ARHGAP32: variants seen among roughly 807,000 people sequenced by gnomAD.
The protein encoded by ARHGAP32 is Rho GTPase activating protein 32.
In ARHGAP32, 51 loss-of-function variants were observed where a neutral mutation model predicts 186.5. That is an observed-to-expected ratio of 0.27 (90% CI 0.22 to 0.35). The LOEUF (loss-of-function observed/expected upper bound fraction) is 0.35. ARHGAP32 is among the 10% of genes least tolerant of loss of function. The pLI, the probability that ARHGAP32 is intolerant of heterozygous loss-of-function variation, is 1.00. For synonymous variants in ARHGAP32, 950 were observed against 964.3 expected (o/e 0.99, Z 0.27); for missense variants, 2,186 against 2,623.5 (o/e 0.83, Z 3.64).
At chr11:129,245,455 G>T (rs2135676015) in intron 1 of ARHGAP32, among the ~76,000 whole-genome samples, 2 of 149,362 alleles carry the variant, frequency 1.3e-5, no homozygotes, top group South Asian at 2.1e-4. Context: ...GTTGTGGGGT[G>T]GGGGGACGGG....
intron 11 of ARHGAP32, among the ~76,000 whole-genome samples, chr11:129,029,922 G>A (rs1939041723): frequency 6.7e-6 from 1 of 150,030 alleles, no homozygotes; most frequent in Non-Finnish European, 1.5e-5. Context: ...CAATGGAAAT[G>A]TAAGTATTCA....
intron 6 of ARHGAP32, among the ~76,000 whole-genome samples, chr11:129,085,396 A>G (rs1218615993): frequency 6.6e-6 from 1 of 152,202 alleles, no homozygotes; most frequent in Non-Finnish European, 1.5e-5. Flanking sequence ...AGACAGCTAT[A>G]TATCTAACAA....
rs1182161758 is a variant in ARHGAP32 at position 129,134,045 on chromosome 11, T to C, written c.226-9151A>G. ...TTCTACTTGAAGTATAAAATAATAATTTTAAGTATAATATGAAAAGTTTAG... is the reference window on the plus strand; with the variant it reads ...TTCTACTTGAAGTATAAAATAATAACTTTAAGTATAATATGAAAAGTTTAG... On this transcript the variant is annotated intron_variant, in intron 2 of 22. Coordinates refer to ENST00000682385, the MANE Select transcript of ARHGAP32 (RefSeq NM_001378024.1). 2.6e-5 allele frequency among the ~76,000 whole-genome samples: 4 copies of C among 152,074 alleles called. No homozygotes were observed. The South Asian group carries it at 8.3e-4, about 32-fold the overall frequency.
In ARHGAP32 at chr11:129,019,008, T is replaced by C. The variant is rs145205093; in HGVS notation, c.1046-20540A>G. Reference sequence around the variant, plus strand: ...ATACACATGAATAACTCTGGCGATGTGTTTTTCCAGTTTTACAAAAAATAT... The same window carrying C: ...ATACACATGAATAACTCTGGCGATGCGTTTTTCCAGTTTTACAAAAAATAT... On this transcript the variant is annotated intron_variant, in intron 11 of 22. Transcript: ENST00000682385. 2.4e-3 allele frequency among the ~76,000 whole-genome samples: 360 copies of C among 152,350 alleles called. 1 individual carries two copies. Among genetic ancestry groups the C allele is most frequent in the African/African-American group, 8.4e-3 (351 of 41,578 alleles).
At chr11:129,017,005 A>C (rs1565377604) in intron 11 of ARHGAP32, among the ~76,000 whole-genome samples, 2 of 152,202 alleles carry the variant, frequency 1.3e-5, no homozygotes, top group Non-Finnish European at 2.9e-5. Flanking sequence ...TACATTTTCT[A>C]ATCATTTATT....
At chr11:129,272,104 A>G (rs1168918850) in intron 1 of ARHGAP32, among the ~76,000 whole-genome samples, 2 of 152,188 alleles carry the variant, frequency 1.3e-5, no homozygotes, top group Non-Finnish European at 2.9e-5. Flanking sequence ...ACAACTCTTG[A>G]AATTTCTGCT....
intron 10 of ARHGAP32, among the ~76,000 whole-genome samples, chr11:129,059,136 G>C (rs1940386434): frequency 6.6e-6 from 1 of 152,138 alleles, no homozygotes; most frequent in Non-Finnish European, 1.5e-5. Context: ...AATAATCTGA[G>C]AGTGAATGTA....
At chr11:129,260,973 T>G (rs1434529927) in intron 1 of ARHGAP32, among the ~76,000 whole-genome samples, 1 of 152,134 alleles carries the variant, frequency 6.6e-6, no homozygotes, top group Non-Finnish European at 1.5e-5. Flanking sequence ...CAGAAAACTT[T>G]CCATAACTAT....
upstream of ARHGAP32, among the ~76,000 whole-genome samples, chr11:129,193,612 T>TATATTATATAATATATATTATATATA (rs1391520639): frequency 1.3e-5 from 1 of 79,786 alleles, no homozygotes; most frequent in Non-Finnish European, 2.3e-5. Context: ...TAATATATAA[T>TATATTATATAATATATATTATATATA]ATATGTTATA....
chr11:129,208,990 C>G (rs920634186), intron 1 of ARHGAP32, among the ~76,000 whole-genome samples: 59 of 151,992 alleles, frequency 3.9e-4, no homozygotes, highest in African/African-American at 1.4e-3. Context: ...GTAACACATT[C>G]CAAGATATGA....
chr11:129,149,058 G>A (rs1943233599), intron 2 of ARHGAP32, among the ~76,000 whole-genome samples: 1 of 152,118 alleles, frequency 6.6e-6, no homozygotes, highest in Non-Finnish European at 1.5e-5. Flanking sequence ...GGGGCTTTAT[G>A]GCCCCATCCA....
rs368704187 is a variant in ARHGAP32 at position 129,229,197 on chromosome 11, T to C, written c.-5+49949A>G. Among the ~76,000 whole-genome samples, 7 of 152,318 alleles carry C rather than the reference T, an allele frequency of 4.6e-5. No individual in the cohort carries two copies. In the East Asian group the frequency reaches 1.2e-3, roughly 25 times the overall value. On this transcript the variant is annotated intron_variant, in intron 1 of 6. Coordinates refer to the ARHGAP32 transcript ENST00000525234. ...TTTTAATTATACTATTCTTTTGGCT[T>C]AACTTGGGCATTATTGCAAAACATT... is the stretch of plus-strand genomic sequence containing the variant.
rs370942629 is a variant in ARHGAP32, at chr11:129,250,122, T to C, written c.-5+29024A>G. ...GTCCCAGCTGCTCAGGAGGGTGAAG[T>C]GGGAGGACTGCTTGAGCACAAGAGG... On this transcript the variant is annotated intron_variant, in intron 1 of 6. Coordinates refer to the ARHGAP32 transcript ENST00000525234. Among the ~76,000 whole-genome samples the C allele has an allele frequency of 1.8e-4, 27 of 151,682 alleles. No individual in the cohort carries two copies. The East Asian group carries it at 2.1e-3, about 12-fold the overall frequency.
At position 128,965,148 on chromosome 11, in the gene ARHGAP32, G is replaced by T. The variant is rs1161100383; in HGVS notation, c.*3759C>A. The T allele has an allele frequency of 6.6e-6, 1 of 151,836 alleles. No individual in the cohort carries two copies. The highest frequency in any genetic ancestry group is 1.5e-5 in the Non-Finnish European group (1 of 67,974). 9.4% of individuals were successfully genotyped at this position (151,836 alleles called of 1,614,324 possible). On this transcript the variant is annotated 3_prime_UTR_variant, in exon 23 of 23. Transcript: ENST00000682385. ...AACCACAAGATATCTCCATCTCCAG[G>T]TACAAAAATCCCTTCCTCCCTCCCC...
chr11:129,199,263 A>C (rs1944430178), intron 1 of ARHGAP32, among the ~76,000 whole-genome samples: 1 of 152,252 alleles, frequency 6.6e-6, no homozygotes. Context: ...TCAGCTGCAG[A>C]AATTTGTAAA....
rs199781549 is a variant in ARHGAP32, at chr11:129,071,296, G to GA, written c.532-4429dup. Among the ~76,000 whole-genome samples, 767 of 151,326 alleles carry GA rather than the reference G, an allele frequency of 5.1e-3. 4 individuals are homozygous for GA. Among genetic ancestry groups the GA allele is most frequent in the African/African-American group, 0.018 (729 of 41,306 alleles). The stretch of plus-strand genomic sequence containing the variant: ...GGCAAAGAAAACCTCCACAGATTGG[G>GA]AAAAAATACATCTTATAAGGGGTTA... On this transcript the variant is annotated intron_variant, in intron 6 of 22. Coordinates refer to ENST00000682385, the MANE Select transcript of ARHGAP32 (RefSeq NM_001378024.1).
At chr11:129,260,266 C>T (rs1361717878) in intron 1 of ARHGAP32, among the ~76,000 whole-genome samples, 5 of 152,068 alleles carry the variant, frequency 3.3e-5, no homozygotes, top group African/African-American at 1.2e-4. Flanking sequence ...TCTAGTCAAA[C>T]ACAAATAACA....
At chr11:129,112,464 T>G (rs900228952) in intron 5 of ARHGAP32, among the ~76,000 whole-genome samples, 1 of 149,608 alleles carries the variant, frequency 6.7e-6, no homozygotes, top group African/African-American at 2.5e-5. Context: ...AGTTAGTTTG[T>G]TTTTTTTTTA....
At chr11:129,220,495 T>C (rs568340165) in intron 1 of ARHGAP32, among the ~76,000 whole-genome samples, 1 of 152,294 alleles carries the variant, frequency 6.6e-6, no homozygotes, top group South Asian at 2.1e-4. Context: ...GTAGAGTACA[T>C]ATTCCCCAAG....
Sources: allele counts gnomAD v4.1 joint callset (sites outside exome capture counted in the v4.1 genomes callset), GRCh38; gene constraint gnomAD v4.1.1; transcripts MANE v1.5; gene names NCBI Gene and HGNC (gene_info 2026-07-23, HGNC 2026-07-21).